Variants in MOB4 observed in about 807,000 individuals in gnomAD.
The protein encoded by MOB4 is MOB family member 4, phocein.
Under a neutral mutation model 32.2 loss-of-function variants are expected in MOB4, and 4 were observed. The ratio of observed to expected loss-of-function variants is 0.12; its 90% CI spans 0.06 to 0.28. The LOEUF (loss-of-function observed/expected upper bound fraction) is 0.28. MOB4 is among the 10% of genes least tolerant of loss of function. The pLI, the probability that MOB4 is intolerant of heterozygous loss-of-function variation, is 1.00. For missense variants in MOB4, 158 were observed against 271.2 expected (o/e 0.58, Z 2.93); for synonymous variants, 88 against 88.1 (o/e 1.00, Z 0.01).
intron 5 of MOB4, among the ~76,000 whole-genome samples, chr2:197,544,815 A>T (rs539393625): frequency 3.4e-4 from 52 of 152,266 alleles, no homozygotes; most frequent in African/African-American, 1.2e-3. Flanking sequence ...ACAATTTTTT[A>T]AAATGTTAAG....
chr2:197,522,907 C>G (rs1005508787), intron 1 of MOB4, among the ~76,000 whole-genome samples: 1 of 151,412 alleles, frequency 6.6e-6, no homozygotes, highest in African/African-American at 2.4e-5. Flanking sequence ...CCCAGCTACT[C>G]GGGAGGCTGA....
rs1238413939 is a variant in MOB4, at chr2:197,552,526, C to T, written c.*1880C>T. The T allele has an allele frequency of 2.0e-5, 3 of 152,164 alleles. No homozygotes were observed. Among genetic ancestry groups the T allele is most frequent in the Non-Finnish European group, 2.9e-5 (2 of 68,006 alleles). 9.4% of individuals were successfully genotyped at this position (152,164 alleles called of 1,614,324 possible). A position where few individuals can be genotyped will look rare whatever the true frequency, so the allele number is the denominator to read the frequency against. On this transcript the variant is annotated 3_prime_UTR_variant, in exon 8 of 8. Coordinates refer to ENST00000323303, the MANE Select transcript of MOB4 (RefSeq NM_015387.5). ...TTTGAATAATATGGCTTAGTGTTAA[C>T]GGGGACTTAAATATGATTTTTTTTT... is the stretch of plus-strand genomic sequence containing the variant.
chr2:197,533,842 G>T, intron 2 of MOB4: 3 of 623,766 alleles, frequency 4.8e-6, no homozygotes, highest in East Asian at 4.1e-5. Flanking sequence ...AGAATCAAGT[G>T]ATTCCTGGCC....
chr2:197,535,905 T>C (rs947120015), intron 3 of MOB4, among the ~76,000 whole-genome samples: 1 of 149,876 alleles, frequency 6.7e-6, no homozygotes, highest in African/African-American at 2.4e-5. Context: ...TTTTCTTTTT[T>C]TTTTTTTTTT....
intron 6 of MOB4, among the ~76,000 whole-genome samples, chr2:197,548,967 G>A (rs1192792850): frequency 3.9e-5 from 6 of 152,052 alleles, no homozygotes; most frequent in African/African-American, 1.4e-4. Flanking sequence ...AGTGGCTCAC[G>A]GATGTAATCC....
chr2:197,525,669 T>C (rs1398308971), intron 2 of MOB4, among the ~76,000 whole-genome samples: 1 of 149,880 alleles, frequency 6.7e-6, no homozygotes, highest in Non-Finnish European at 1.5e-5. Flanking sequence ...GAGCTGTGAT[T>C]GCACCACTGC....
At chr2:197,516,278 C>G (rs2086409813) in intron 1 of MOB4, 132 bp downstream of exon 1, 2 of 1,459,254 alleles carry the variant, frequency 1.4e-6, no homozygotes, top group East Asian at 2.7e-5. Context: ...GCCCGGCCTG[C>G]TCTTCCGGAG....
At chr2:197,550,477 A>G (rs780191647) in intron 7 of MOB4, 38 bp from the exon 8 acceptor site, 3 of 1,580,504 alleles carry the variant, frequency 1.9e-6, no homozygotes, top group Admixed American at 1.9e-5. Context: ...AGTTTGGGAT[A>G]GTGAATTAAA....
intron 3 of MOB4, among the ~76,000 whole-genome samples, chr2:197,535,899 CTTTTTTT>C (rs1319135434): frequency 6.2e-5 from 8 of 129,294 alleles, no homozygotes; most frequent in Non-Finnish European, 8.4e-5. Context: ...CTTTTCTTTT[CTTTTTTT>C]TTTTTTTTTT....
intron 2 of MOB4, among the ~76,000 whole-genome samples, chr2:197,525,709 C>CAAAAAAA (rs368659222): frequency 9.3e-5 from 6 of 64,628 alleles, no homozygotes; most frequent in Non-Finnish European, 1.0e-4. Context: ...GACCCTATCT[C>CAAAAAAA]AAAAAAAAAA....
intron 2 of MOB4, 107 bp from the exon 3 acceptor site, chr2:197,535,423 C>G: frequency 1.4e-5 from 14 of 1,035,956 alleles, no homozygotes; most frequent in Non-Finnish European, 1.9e-5. Flanking sequence ...GTGTATAACC[C>G]AAGTTGAACC....
Position 197,528,772 on chromosome 2 carries a change from C to T in MOB4, c.123+5086C>T, listed in dbSNP as rs572724255. 8.6e-5 allele frequency among the ~76,000 whole-genome samples: 13 copies of T among 151,540 alleles called. No homozygotes were observed. The East Asian group carries it at 1.8e-3, about 20-fold the overall frequency. ...CTGGGACTACAGGCGCCCGCCATCA[C>T]CCCCGGCTAATTTTTTTGTATTTTT... is the stretch of plus-strand genomic sequence containing the variant. On this transcript the variant is annotated intron_variant, in intron 2 of 7. Coordinates refer to ENST00000323303, the MANE Select transcript of MOB4 (RefSeq NM_015387.5).
At chr2:197,531,459 A>G (rs2086703256) in intron 2 of MOB4, among the ~76,000 whole-genome samples, 1 of 152,172 alleles carries the variant, frequency 6.6e-6, no homozygotes, top group Non-Finnish European at 1.5e-5. Flanking sequence ...TTCTATACAT[A>G]TTAAATAATA....
intron 5 of MOB4, among the ~76,000 whole-genome samples, chr2:197,545,918 A>G (rs2086984766): frequency 6.6e-6 from 1 of 152,212 alleles, no homozygotes; most frequent in South Asian, 2.1e-4. Context: ...TTTTAGTTGT[A>G]TCAATTATAT....
At chr2:197,526,390 C>T (rs2086612467) in intron 2 of MOB4, among the ~76,000 whole-genome samples, 1 of 152,160 alleles carries the variant, frequency 6.6e-6, no homozygotes, top group South Asian at 2.1e-4. Context: ...GACCTCAACT[C>T]ACTGCAGCCT....
chr2:197,520,251 C>T (rs547785227), intron 1 of MOB4, among the ~76,000 whole-genome samples: 4 of 150,782 alleles, frequency 2.7e-5, no homozygotes, highest in South Asian at 2.1e-4. Context: ...GCTGCACTCT[C>T]GGCTCACTGC....
chr2:197,543,736 T>TTTTTC (rs1204620798), intron 5 of MOB4, among the ~76,000 whole-genome samples: 2 of 152,054 alleles, frequency 1.3e-5, no homozygotes, highest in East Asian at 3.9e-4. Flanking sequence ...GTAATAGACT[T>TTTTTC]TTTTCTTTTC....
At chr2:197,524,168 A>G (rs1042250594) in intron 2 of MOB4, among the ~76,000 whole-genome samples, 2 of 152,036 alleles carry the variant, frequency 1.3e-5, no homozygotes, top group African/African-American at 4.8e-5. Context: ...TCCTACTTCA[A>G]GGGTCTAATG....
intron 2 of MOB4, among the ~76,000 whole-genome samples, chr2:197,532,296 T>G (rs2086719456): frequency 6.6e-6 from 1 of 152,232 alleles, no homozygotes; most frequent in African/African-American, 2.4e-5. Context: ...CTAGATTTCT[T>G]CAAGATTGAC....
Sources: allele counts gnomAD v4.1 joint callset (sites outside exome capture counted in the v4.1 genomes callset), GRCh38; gene constraint gnomAD v4.1.1; transcripts MANE v1.5; gene names NCBI Gene and HGNC (gene_info 2026-07-23, HGNC 2026-07-21).